FAT3: variants seen among roughly 807,000 people sequenced by gnomAD.
The protein encoded by FAT3 is protocadherin Fat 3.
In FAT3, 95 loss-of-function variants were observed where a neutral mutation model predicts 310.2. That is an observed-to-expected ratio of 0.31 (90% CI 0.26 to 0.36). The LOEUF (loss-of-function observed/expected upper bound fraction) is 0.36. Among genes scored for constraint, FAT3 ranks in the 10% least tolerant of loss-of-function variants. The pLI is 1.00. For synonymous variants in FAT3, 2,314 were observed against 2,192.9 expected, an observed-to-expected ratio of 1.06 and a Z score of -1.54; for missense variants, 5,408 against 5,715.6, an observed-to-expected ratio of 0.95 and a Z score of 1.74.
rs150146556 is a variant in FAT3, at chr11:92,864,647, C to T, written c.11659-2094C>T. ...CCTGGCCAACCTGGTGAAACCCTGT[C>T]TCTACTGAAAATAGAAAAAATTAGC... On this transcript the variant is annotated intron_variant, in intron 21 of 27. Coordinates refer to ENST00000525166, the MANE Select transcript of FAT3 (RefSeq NM_001367949.2). Among the ~76,000 whole-genome samples, 560 of 152,200 alleles carry T rather than the reference C, an allele frequency of 3.7e-3. 1 individual carries two copies. The highest frequency in any genetic ancestry group is 5.3e-3 in the Non-Finnish European group (360 of 68,010).
At chr11:92,562,696 G>A (rs1955276343) in intron 3 of FAT3, among the ~76,000 whole-genome samples, 1 of 152,108 alleles carries the variant, frequency 6.6e-6, no homozygotes, top group Non-Finnish European at 1.5e-5. Context: ...GGGCATAAGG[G>A]ACTCTGTTAT....
intron 1 of FAT3, among the ~76,000 whole-genome samples, chr11:92,337,900 A>G (rs896924606): frequency 2.6e-5 from 4 of 152,206 alleles, no homozygotes; most frequent in Non-Finnish European, 5.9e-5. Context: ...CTGGGCTTAC[A>G]TTTGTAATGG....
chr11:92,731,328 TA>T (rs1945171963), intron 4 of FAT3, among the ~76,000 whole-genome samples: 1 of 152,114 alleles, frequency 6.6e-6, no homozygotes, highest in Non-Finnish European at 1.5e-5. Context: ...AGAGAGCAGG[TA>T]CCTAGTCAGT....
chr11:92,762,752 C>T (rs1045107912), intron 5 of FAT3, among the ~76,000 whole-genome samples: 2 of 152,142 alleles, frequency 1.3e-5, no homozygotes, highest in Non-Finnish European at 2.9e-5. Flanking sequence ...CATGTAGAAA[C>T]TTAAAGCTCC....
chr11:92,679,987 A>C (rs1943427243), intron 3 of FAT3, among the ~76,000 whole-genome samples: 1 of 149,184 alleles, frequency 6.7e-6, no homozygotes, highest in Non-Finnish European at 1.5e-5. Flanking sequence ...TGTTTCTTGT[A>C]TATTCTGAAT....
chr11:92,535,529 A>G (rs1954226581), intron 3 of FAT3, among the ~76,000 whole-genome samples: 1 of 152,222 alleles, frequency 6.6e-6, no homozygotes, highest in Admixed American at 6.5e-5. Context: ...GGAAGACCCC[A>G]TGGCAGAATG....
intron 2 of FAT3, among the ~76,000 whole-genome samples, chr11:92,487,104 C>CT (rs1447093190): frequency 2.0e-5 from 3 of 152,152 alleles, no homozygotes; most frequent in African/African-American, 7.2e-5. Context: ...GGGGTCCCCA[C>CT]TTAGTAATCG....
chr11:92,337,629 G>T lies in FAT3; in HGVS notation c.-17-14467G>T, dbSNP rs1989150. Among the ~76,000 whole-genome samples, 4 of 152,108 alleles carry T rather than the reference G, an allele frequency of 2.6e-5. No individual in the cohort carries two copies. In the East Asian group the frequency reaches 5.8e-4, roughly 22 times the overall value. On this transcript the variant is annotated intron_variant, in intron 1 of 27. Transcript: ENST00000525166. ...GTATTTTTAGTAGAGACAGGGTTTC[G>T]CCATGTTGGCCAGGCTGGTCTCGAA...
chr11:92,860,113 CA>C (rs1949084149), intron 21 of FAT3, among the ~76,000 whole-genome samples: 1 of 152,150 alleles, frequency 6.6e-6, no homozygotes, highest in African/African-American at 2.4e-5. Flanking sequence ...GAGGCCACTG[CA>C]CAGTAATCTG....
In FAT3 at chr11:92,353,863, A is replaced by G. The variant is rs768045526; in HGVS notation, c.1751A>G (p.Gln584Arg). The G allele has an allele frequency of 1.2e-6, 2 of 1,613,166 alleles. No homozygotes were observed. The highest frequency in any genetic ancestry group is 1.7e-6 in the Non-Finnish European group (2 of 1,179,654). The change falls in exon 2 of 28, where the codon CAG (glutamine) becomes CGG (arginine). Residue 584 changes from glutamine (Q) to arginine (R), a missense_variant. Coordinates refer to ENST00000525166, the MANE Select transcript of FAT3 (RefSeq NM_001367949.2). ...NSPLFEKVAC[Q>R]GVISYDFPVG... is the part of the protein sequence containing the mutation. ...CCTCTCTTTGAAAAAGTGGCTTGCCAGGGAGTTATTTCATATGACTTTCCA... is the reference window on the plus strand; with the variant it reads ...CCTCTCTTTGAAAAAGTGGCTTGCCGGGGAGTTATTTCATATGACTTTCCA...
rs139092478 is a variant in FAT3, at chr11:92,823,428, G to A, written c.9482-8194G>A. Among the ~76,000 whole-genome samples the A allele has an allele frequency of 3.1e-3, 468 of 152,300 alleles. 3 individuals carry two copies. Among genetic ancestry groups the A allele is most frequent in the African/African-American group, 0.01 (416 of 41,578 alleles). ...GAAGGTATAACTATAGTCTTATCCAGCAATGGGGCCAGTTTTATAGGTGTG... is the reference window on the plus strand; with the variant it reads ...GAAGGTATAACTATAGTCTTATCCAACAATGGGGCCAGTTTTATAGGTGTG... On this transcript the variant is annotated intron_variant, in intron 13 of 27. Coordinates refer to ENST00000525166, the MANE Select transcript of FAT3 (RefSeq NM_001367949.2).
intron 1 of FAT3, among the ~76,000 whole-genome samples, chr11:92,309,976 T>C (rs1283287958): frequency 7.9e-5 from 12 of 152,142 alleles, no homozygotes; most frequent in Admixed American, 7.9e-4. Flanking sequence ...TTTTTTTTTT[T>C]TAATATGTGA....
intron 1 of FAT3, among the ~76,000 whole-genome samples, chr11:92,290,278 C>T (rs965650116): frequency 1.3e-5 from 2 of 152,132 alleles, no homozygotes; most frequent in Non-Finnish European, 2.9e-5. Context: ...CAGTCTCCCT[C>T]CTCTAGAATA....
At chr11:92,327,184 A>G (rs1433757005) in intron 1 of FAT3, among the ~76,000 whole-genome samples, 1 of 152,156 alleles carries the variant, frequency 6.6e-6, no homozygotes, top group Non-Finnish European at 1.5e-5. Flanking sequence ...AAAAAGACTT[A>G]TGTAGGCTTC....
intron 3 of FAT3, among the ~76,000 whole-genome samples, chr11:92,628,486 G>GC (rs5793615): frequency 0.56 from 85,277 of 151,946 alleles, 25,345 homozygotes; most frequent in African/African-American, 0.76. Flanking sequence ...CAAGAAAAAT[G>GC]CTCTGCCCTC....
chr11:92,855,076 G>A (rs1321315687), intron 19 of FAT3, among the ~76,000 whole-genome samples: 3 of 152,212 alleles, frequency 2.0e-5, no homozygotes, highest in Non-Finnish European at 4.4e-5. Context: ...GCTGAGGTTA[G>A]CATTGGGCTC....
chr11:92,772,431 T>C (rs1489197466), intron 6 of FAT3, among the ~76,000 whole-genome samples: 6 of 152,134 alleles, frequency 3.9e-5, no homozygotes, highest in African/African-American at 1.2e-4. Flanking sequence ...TTTTATTTCA[T>C]GTTGTTATCA....
At chr11:92,416,636 A>C (rs1390117823) in intron 2 of FAT3, among the ~76,000 whole-genome samples, 2 of 152,200 alleles carry the variant, frequency 1.3e-5, no homozygotes, top group Non-Finnish European at 1.5e-5. Context: ...TTATCGACTA[A>C]ACAGCTCTGA....
chr11:92,363,458 C>T (rs1012618975), intron 2 of FAT3, among the ~76,000 whole-genome samples: 27 of 152,308 alleles, frequency 1.8e-4, no homozygotes, highest in Middle Eastern at 3.4e-3. Flanking sequence ...TATTCAGAAG[C>T]ACCAGAAATC....
Sources: gnomAD v4.1 joint callset for allele counts (sites outside exome capture counted in the v4.1 genomes callset) on GRCh38, gnomAD v4.1.1 for gene constraint, MANE v1.5 for transcripts, NCBI Gene and HGNC (gene_info 2026-07-23, HGNC 2026-07-21) for gene names.